Variants in RUFY4 observed in about 807,000 individuals in gnomAD.
RUFY4 encodes the protein RUN and FYVE domain containing 4, also known as RUN and FYVE domain-containing protein 4.
RUFY4 carries 73 observed loss-of-function variants against 69.0 expected under a neutral mutation model. That is an observed-to-expected ratio of 1.06 (90% CI 0.88 to 1.29). The LOEUF (loss-of-function observed/expected upper bound fraction) is 1.29, where lower values mean the gene tolerates loss of function less well. Among genes scored for constraint, RUFY4 ranks in the 50% most tolerant of loss-of-function variants. RUFY4 has a pLI of 0.00. For synonymous variants in RUFY4, 287 were observed against 271.8 expected (o/e 1.06, Z -0.55); for missense variants, 770 against 705.6 (o/e 1.09, Z -1.03).
At chr2:218,070,916 G>A in intron 2 of RUFY4, 57 bp downstream of exon 4, 1 of 1,348,296 alleles carries the variant, frequency 7.4e-7, no homozygotes, top group Non-Finnish European at 1.0e-6. Context: ...TAACTGGTGG[G>A]ACATTCCTGG....
At chr2:218,080,216 G>T (rs1174186700) in intron 8 of RUFY4, among the ~76,000 whole-genome samples, 1 of 152,218 alleles carries the variant, frequency 6.6e-6, no homozygotes, top group Non-Finnish European at 1.5e-5. Context: ...TGCTACCAGA[G>T]GCTGGGGCAG....
chr2:218,064,137 G>A lies in RUFY4; in HGVS notation c.-1070-4458G>A, dbSNP rs78058873. 7.9e-4 allele frequency among the ~76,000 whole-genome samples: 120 copies of A among 152,286 alleles called. 2 individuals are homozygous for A. The East Asian group carries it at 0.017, about 21-fold the overall frequency. On this transcript the variant is annotated intron_variant and NMD_transcript_variant, in intron 3 of 13. Coordinates refer to the RUFY4 transcript ENST00000457754. Reference sequence around the variant, plus strand: ...CTTTCTGGACACTGCCATCTCCCTGGGAAATTCTGCACTGGAGTTTTGCGG... The same window carrying A: ...CTTTCTGGACACTGCCATCTCCCTGAGAAATTCTGCACTGGAGTTTTGCGG...
intron 3 of RUFY4, among the ~76,000 whole-genome samples, chr2:218,063,908 C>A (rs1216950684): frequency 1.3e-5 from 2 of 152,164 alleles, no homozygotes; most frequent in Non-Finnish European, 2.9e-5. Context: ...TTCTTTCAAC[C>A]AAACAAAAGT....
exon 3 of RUFY4, chr2:218,072,447 G>T (rs536379062): frequency 6.5e-7 from 1 of 1,537,374 alleles, no homozygotes; most frequent in Non-Finnish European, 8.7e-7. Context: ...ACTGCCCTAC[G>T]ACGGCAGCGG....
chr2:218,075,226 T>C, exon 7 of RUFY4: 1 of 1,564,628 alleles, frequency 6.4e-7, no homozygotes, highest in Non-Finnish European at 8.7e-7. Flanking sequence ...CAAAGGCATC[T>C]TCCTTTCTTT....
At chr2:218,077,498 C>T (rs1271952177) in intron 8 of RUFY4, among the ~76,000 whole-genome samples, 1 of 152,156 alleles carries the variant, frequency 6.6e-6, no homozygotes, top group Admixed American at 6.5e-5. Flanking sequence ...GCCACCACAC[C>T]CAGCCCATAA....
exon 6 of RUFY4, chr2:218,073,842 C>T (rs1475239803): frequency 1.9e-6 from 3 of 1,613,886 alleles, no homozygotes; most frequent in Non-Finnish European, 2.5e-6. Flanking sequence ...TCCACCCAAA[C>T]CCAGGGAAGG....
intron 8 of RUFY4, among the ~76,000 whole-genome samples, chr2:218,080,192 A>G (rs1689728648): frequency 1.3e-5 from 2 of 152,336 alleles, no homozygotes; most frequent in East Asian, 1.9e-4. Flanking sequence ...AGAGTGAGGC[A>G]CCGGAATTCT....
At chr2:218,075,014 G>A in intron 6 of RUFY4, 79 bp from the exon 9 acceptor site, 1 of 1,391,832 alleles carries the variant, frequency 7.2e-7, no homozygotes, top group Admixed American at 2.8e-5. Context: ...GATTAGATTA[G>A]CACTGTGGCC....
upstream of RUFY4, among the ~76,000 whole-genome samples, chr2:218,067,968 A>G (rs1207219647): frequency 6.6e-6 from 1 of 152,150 alleles, no homozygotes; most frequent in Admixed American, 6.5e-5. Flanking sequence ...GAGAGGAGTT[A>G]CCCATCCCTG....
Position 218,070,658 on chromosome 2 carries a change from G to A in RUFY4, c.46+7G>A. ...GTCACCAAAGACCTAAGAGGTGAGTGTGTCCTGAGAGATGCTCTGGGACTG... is the reference window on the plus strand; with the variant it reads ...GTCACCAAAGACCTAAGAGGTGAGTATGTCCTGAGAGATGCTCTGGGACTG... On this transcript the variant is annotated splice_region_variant and intron_variant, in intron 1 of 10. Coordinates refer to ENST00000344321, the Ensembl canonical transcript of RUFY4. 6.5e-7 allele frequency: 1 copy of A among 1,537,386 alleles called. No homozygotes were observed. The highest frequency in any genetic ancestry group is 8.7e-7 in the Non-Finnish European group (1 of 1,146,724).
At position 218,083,093 on chromosome 2, in the gene RUFY4, C is replaced by G; in HGVS notation, c.1356-17C>G. 1 of 1,609,470 alleles carries G rather than the reference C, an allele frequency of 6.2e-7. No individual in the cohort carries two copies. The highest frequency in any genetic ancestry group is 8.5e-7 in the Non-Finnish European group (1 of 1,178,864). ...GAGCTTTGCCCCCTGAGAACCTAGT[C>G]TTCCTTCTGTACCCAGGTGTCAGGA... On this transcript the variant is annotated splice_polypyrimidine_tract_variant and intron_variant, in intron 8 of 10. Transcript: ENST00000344321.
intron 3 of RUFY4, among the ~76,000 whole-genome samples, chr2:218,062,503 G>C (rs902184325): frequency 2.3e-4 from 35 of 151,988 alleles, no homozygotes; most frequent in African/African-American, 7.7e-4. Context: ...GCCTGAGCAG[G>C]AGTTCGTGAC....
At chr2:218,089,334 G>C (rs1689974225) in exon 10 of RUFY4, 1 of 1,613,638 alleles carries the variant, frequency 6.2e-7, no homozygotes, top group Admixed American at 1.7e-5. Context: ...CAAGATCTTT[G>C]GCCGATTTTC....
intron 2 of RUFY4, 134 bp downstream of exon 4, chr2:218,070,993 C>G (rs1689472355): frequency 4.5e-6 from 3 of 666,718 alleles, no homozygotes; most frequent in African/African-American, 3.6e-5. Flanking sequence ...TCCCTCCTGA[C>G]ACCTAACCTC....
chr2:218,047,027 AG>A (rs765182243), intron 2 of RUFY4, among the ~76,000 whole-genome samples: 18 of 148,062 alleles, frequency 1.2e-4, no homozygotes, highest in Non-Finnish European at 1.9e-4. Flanking sequence ...AAACACAAAA[AG>A]TTTCATTGTG....
intron 2 of RUFY4, among the ~76,000 whole-genome samples, chr2:218,071,871 G>A (rs1559431982): frequency 6.6e-6 from 1 of 152,168 alleles, no homozygotes; most frequent in Non-Finnish European, 1.5e-5. Context: ...CACACAGGCA[G>A]CATCTGCTCA....
intron 8 of RUFY4, among the ~76,000 whole-genome samples, chr2:218,080,338 G>T (rs549133012): frequency 6.6e-6 from 1 of 152,214 alleles, no homozygotes; most frequent in Non-Finnish European, 1.5e-5. Context: ...AGCACAGGCT[G>T]GGGGCAGAGG....
chr2:218,072,827 G>A (rs1159152428), exon 4 of RUFY4: 1 of 1,536,318 alleles, frequency 6.5e-7, no homozygotes. Context: ...CTTCTGCCTG[G>A]CCCGTGGGCA....
Sources: gnomAD v4.1 joint callset for allele counts (sites outside exome capture counted in the v4.1 genomes callset) on GRCh38, gnomAD v4.1.1 for gene constraint, MANE v1.5 for transcripts, NCBI Gene and HGNC (gene_info 2026-07-23, HGNC 2026-07-21) for gene names.